Variants in ANKS6 observed in about 807,000 individuals in gnomAD.
The protein encoded by ANKS6 is ankyrin repeat and SAM domain-containing protein 6.
Under a neutral mutation model 77.9 loss-of-function variants are expected in ANKS6, and 47 were observed. The ratio of observed to expected loss-of-function variants is 0.60; its 90% CI spans 0.48 to 0.77. The LOEUF is 0.77. Ranked by LOEUF, ANKS6 falls within the 30% of genes least tolerant of loss-of-function variation. ANKS6 has a pLI of 0.00. For synonymous variants in ANKS6, 488 were observed against 501.7 expected, an observed-to-expected ratio of 0.97 and a Z score of 0.37; for missense variants, 1,150 against 1,159.1, an observed-to-expected ratio of 0.99 and a Z score of 0.11.
At chr9:98,739,034 A>G (rs1831662224) in intron 14 of ANKS6, among the ~76,000 whole-genome samples, 3 of 151,956 alleles carry the variant, frequency 2.0e-5, no homozygotes, top group African/African-American at 4.8e-5. Flanking sequence ...ACCAAAAATA[A>G]TATGTTCTCA....
At chr9:98,784,749 C>T (rs999288686) in intron 3 of ANKS6, 83 bp downstream of exon 3, 1 of 1,299,184 alleles carries the variant, frequency 7.7e-7, no homozygotes, top group Non-Finnish European at 1.1e-6. Context: ...CCTGGGTGGC[C>T]CTGCAAAGGA....
intron 11 of ANKS6, among the ~76,000 whole-genome samples, chr9:98,760,778 C>T (rs1169504858): frequency 1.5e-5 from 2 of 136,978 alleles, no homozygotes; most frequent in Non-Finnish European, 3.3e-5. Context: ...GAATGTACTA[C>T]AATTAGTTTA....
rs1834423316 is a variant in ANKS6, at chr9:98,784,022, C to G, written c.1043G>C (p.Arg348Thr). The change falls in exon 4 of 15, where the codon AGG (arginine) becomes ACG (threonine). Residue 348 changes from arginine (R) to threonine (T), a missense_variant. By Grantham distance (71) the Arg-to-Thr change is moderately conservative (BLOSUM62 -1). Coordinates refer to ENST00000353234, the MANE Select transcript of ANKS6 (RefSeq NM_173551.5). ...QLALVQLLVE[R>T]HADVDKQDSV... ...GTCCTGCTTGTCAACATCCGCGTGC[C>G]TCTCCACCAGCAGCTGCACCAGAGC... 1 of 1,611,220 alleles carries G rather than the reference C, an allele frequency of 6.2e-7. No homozygotes were observed. The highest frequency in any genetic ancestry group is 1.7e-5 in the Admixed American group (1 of 59,636).
At chr9:98,774,472 C>T (rs1019048097) in intron 8 of ANKS6, among the ~76,000 whole-genome samples, 2 of 152,102 alleles carry the variant, frequency 1.3e-5, no homozygotes, top group Non-Finnish European at 1.5e-5. Context: ...TTAAGCTGGG[C>T]CAGTGAGGAC....
chr9:98,758,114 T>C (rs1462988795), intron 11 of ANKS6, among the ~76,000 whole-genome samples: 1 of 152,126 alleles, frequency 6.6e-6, no homozygotes, highest in Non-Finnish European at 1.5e-5. Context: ...CCACATTTAT[T>C]ATCTGTAATA....
intron 13 of ANKS6, among the ~76,000 whole-genome samples, chr9:98,749,837 C>A (rs1832333997): frequency 6.6e-6 from 1 of 152,162 alleles, no homozygotes; most frequent in African/African-American, 2.4e-5. Flanking sequence ...TCAACTGCAT[C>A]TCAAGTCTGG....
At chr9:98,789,859 C>A in intron 2 of ANKS6, 1 of 478,650 alleles carries the variant, frequency 2.1e-6, no homozygotes, top group South Asian at 6.8e-5. Context: ...GGGAGAGCAG[C>A]CTTGTTATAG....
chr9:98,765,686 C>G (rs187071507), intron 11 of ANKS6, among the ~76,000 whole-genome samples: 16 of 152,190 alleles, frequency 1.1e-4, no homozygotes, highest in Non-Finnish European at 2.1e-4. Context: ...ATCTAGTAGG[C>G]CTTTAGGCCT....
intron 14 of ANKS6, among the ~76,000 whole-genome samples, chr9:98,743,273 C>A (rs548047480): frequency 6.6e-6 from 1 of 151,974 alleles, no homozygotes; most frequent in South Asian, 2.1e-4. Context: ...AGCCCTCCCC[C>A]GCCCCACCAT....
At chr9:98,742,316 G>C (rs1277482510) in intron 14 of ANKS6, among the ~76,000 whole-genome samples, 4 of 152,230 alleles carry the variant, frequency 2.6e-5, no homozygotes, top group Admixed American at 1.3e-4. Flanking sequence ...AATAGCCAAG[G>C]CCCAGAGCAT....
intron 1 of ANKS6, chr9:98,795,860 A>C (rs1056635912): frequency 3.2e-6 from 1 of 311,410 alleles, no homozygotes; most frequent in African/African-American, 2.2e-5. Flanking sequence ...AAATGAATTA[A>C]ATCTCTAAGG....
At chr9:98,781,906 C>G (rs1834285987) in intron 5 of ANKS6, among the ~76,000 whole-genome samples, 1 of 152,150 alleles carries the variant, frequency 6.6e-6, no homozygotes, top group Non-Finnish European at 1.5e-5. Context: ...TCCCCTTGAG[C>G]TGGCTAACTG....
chr9:98,774,708 GTAATTTAATTTTTAATT>G, intron 8 of ANKS6, among the ~76,000 whole-genome samples: 1 of 152,308 alleles, frequency 6.6e-6, no homozygotes, highest in East Asian at 1.9e-4. Flanking sequence ...ACATTTAATT[GTAATTTAATTTTTAATT>G]TTGAAAATGT....
chr9:98,771,835 C>T (rs1017952810), intron 9 of ANKS6, among the ~76,000 whole-genome samples: 4 of 152,104 alleles, frequency 2.6e-5, no homozygotes, highest in African/African-American at 9.7e-5. Flanking sequence ...GCAGGCTCCT[C>T]AACACACGGC....
intron 2 of ANKS6, among the ~76,000 whole-genome samples, chr9:98,788,292 G>A (rs1053828407): frequency 3.3e-5 from 5 of 152,210 alleles, no homozygotes; most frequent in Admixed American, 6.5e-5. Context: ...GGCACAGCTC[G>A]GCAGGCACGG....
At chr9:98,789,661 T>A (rs1253632106) in intron 2 of ANKS6, among the ~76,000 whole-genome samples, 1 of 152,202 alleles carries the variant, frequency 6.6e-6, no homozygotes, top group Non-Finnish European at 1.5e-5. Context: ...ACATATTATA[T>A]GCATAGCCAC....
At chr9:98,789,390 T>C (rs1041322351) in intron 2 of ANKS6, among the ~76,000 whole-genome samples, 4 of 143,926 alleles carry the variant, frequency 2.8e-5, no homozygotes, top group Admixed American at 2.1e-4. Context: ...AAGGATTGTT[T>C]AGACAACTCT....
At chr9:98,790,775 G>A (rs533959270) in intron 1 of ANKS6, among the ~76,000 whole-genome samples, 169 bp from the exon 2 acceptor site, 1 of 152,364 alleles carries the variant, frequency 6.6e-6, no homozygotes, top group South Asian at 2.1e-4. Context: ...GCATCATCAT[G>A]AAGGTGAGCA....
At chr9:98,782,676 T>A in intron 4 of ANKS6, 103 bp from the exon 5 acceptor site, 1 of 905,474 alleles carries the variant, frequency 1.1e-6, no homozygotes, top group Non-Finnish European at 1.8e-6. Context: ...TCTGAGCATT[T>A]AAGAAGGACA....
Sources: allele counts gnomAD v4.1 joint callset (sites outside exome capture counted in the v4.1 genomes callset), GRCh38; gene constraint gnomAD v4.1.1; transcripts MANE v1.5; gene names NCBI Gene and HGNC (gene_info 2026-07-23, HGNC 2026-07-21).